Variants in PTCRA observed in about 807,000 individuals in gnomAD.
The protein encoded by PTCRA is pre T cell antigen receptor alpha, also known as pre T-cell antigen receptor alpha.
A neutral mutation model predicts 13.4 loss-of-function variants in PTCRA; 9 were observed. The observed-to-expected ratio is 0.67, with a 90% CI of 0.41 to 1.18. The LOEUF is 1.18. PTCRA is among the 50% of genes most tolerant of loss of function. The pLI is 0.01. For missense variants in PTCRA, 353 were observed against 359.8 expected (o/e 0.98, Z 0.15); for synonymous variants, 153 against 161.9 (o/e 0.94, Z 0.42).
Position 42,923,204 on chromosome 6 carries a change from C to A in PTCRA, c.236C>A (p.Ser79Tyr). The change falls in exon 2 of 4, where the codon TCC (serine) becomes TAC (tyrosine). Residue 79 changes from serine (S) to tyrosine (Y), a missense_variant. Ser to Tyr is a moderately radical substitution (Grantham distance 144). Transcript: ENST00000304672. The part of the protein sequence containing the change: ...SALDAFTYGP[S>Y]PATDGTWTNL... ...CTGGATGCCTTCACCTATGGCCCTT[C>A]CCCAGCAACGGATGGCACCTGGACC... 6.2e-7 allele frequency: 1 copy of A among 1,614,264 alleles called. No individual in the cohort carries two copies. The highest frequency in any genetic ancestry group is 8.5e-7 in the Non-Finnish European group (1 of 1,180,050).
chr6:42,922,739 CAA>C (rs575063807), intron 1 of PTCRA, among the ~76,000 whole-genome samples: 15 of 85,498 alleles, frequency 1.8e-4, no homozygotes, highest in Non-Finnish European at 1.7e-4. Flanking sequence ...AATTCCATCT[CAA>C]AAAAAAAAAA....
At chr6:42,919,000 A>C (rs1004770964) in intron 1 of PTCRA, among the ~76,000 whole-genome samples, 1 of 150,284 alleles carries the variant, frequency 6.7e-6, no homozygotes, top group Non-Finnish European at 1.5e-5. Context: ...CATGTTAGCC[A>C]GGATGGTCTC....
At position 42,924,228 on chromosome 6, in the gene PTCRA, G is replaced by A. The variant is rs1281089581; in HGVS notation, c.380-1G>A. Reference sequence around the variant, plus strand: ...CTCATTCGCTTCTCCCTGGACAACAGGAGAGGCTTCTACAGCCAGGACCTG... The same window carrying A: ...CTCATTCGCTTCTCCCTGGACAACAAGAGAGGCTTCTACAGCCAGGACCTG... On this transcript the variant is annotated splice_acceptor_variant, in intron 2 of 3. Coordinates refer to ENST00000304672, the MANE Select transcript of PTCRA (RefSeq NM_138296.3). LOFTEE classifies it high-confidence loss of function. The A allele has an allele frequency of 1.2e-6, 2 of 1,608,964 alleles. No homozygotes were observed. The highest frequency in any genetic ancestry group is 1.1e-5 in the South Asian group (1 of 90,794).
At chr6:42,924,154 G>C in intron 2 of PTCRA, 75 bp from the exon 3 acceptor site, 1 of 1,335,338 alleles carries the variant, frequency 7.5e-7, no homozygotes. Context: ...CCAGGGCCTG[G>C]GCATAGCACT....
Position 42,925,532 on chromosome 6 carries a change from A to G in PTCRA, c.696A>G (p.Pro232=). 6.3e-7 allele frequency: 1 copy of G among 1,586,896 alleles called. No individual in the cohort carries two copies. Among genetic ancestry groups the G allele is most frequent in the Non-Finnish European group, 8.6e-7 (1 of 1,165,520 alleles). The change falls in exon 4 of 4, where the codon CCA becomes CCG. Residue 232 remains proline (P), a synonymous_variant. Coordinates refer to ENST00000304672, the MANE Select transcript of PTCRA (RefSeq NM_138296.3). This position sits in a 1 kb window ranked among gnomAD's most constrained non-coding sequence, Gnocchi z 4.4. The part of the protein sequence containing the change: ...DTPPGRKPGS[P]VWGEGSYLSS... The stretch of plus-strand genomic sequence containing the variant: ...CTCCGGGTCGGAAGCCCGGGAGCCC[A>G]GTATGGGGGGAAGGGTCTTACCTCA...
Position 42,925,081 on chromosome 6 carries a change from AG to A in PTCRA, c.425-178del. On this transcript the variant is annotated intron_variant, in intron 3 of 3. Transcript: ENST00000304672. This position sits in a 1 kb window ranked among gnomAD's most constrained non-coding sequence, Gnocchi z 4.4. Reference sequence around the variant, plus strand: ...ATTGTTGGGGAATAAAATAAAATGAAGGCCAGGAAGGTATGTATTATTACCA... The same window carrying A: ...ATTGTTGGGGAATAAAATAAAATGAAGCCAGGAAGGTATGTATTATTACCA... The A allele has an allele frequency of 1.3e-6, 1 of 773,764 alleles. No individual in the cohort carries two copies. The highest frequency in any genetic ancestry group is 2.0e-6 in the Non-Finnish European group (1 of 502,580). The allele number at this position is 773,764 out of a possible 1,614,324, so 47.9% of individuals were successfully genotyped here.
At chr6:42,920,811 CTTT>C (rs544790680) in intron 1 of PTCRA, among the ~76,000 whole-genome samples, 3 of 122,798 alleles carry the variant, frequency 2.4e-5, no homozygotes, top group Non-Finnish European at 3.5e-5. Flanking sequence ...CTAAACAAAG[CTTT>C]TTTTTTTTTT....
At chr6:42,922,303 G>A (rs1190871988) in intron 1 of PTCRA, 3 of 698,470 alleles carry the variant, frequency 4.3e-6, no homozygotes, top group Non-Finnish European at 7.8e-6. Context: ...TCTTTCCCAT[G>A]GAACTGAGTT....
intron 1 of PTCRA, among the ~76,000 whole-genome samples, chr6:42,920,096 G>A (rs1216408254): frequency 6.6e-6 from 1 of 151,712 alleles, no homozygotes; most frequent in Admixed American, 6.6e-5. Flanking sequence ...CGAGGCAGGC[G>A]GATCACGAGG....
In PTCRA at chr6:42,916,107, G is replaced by T; in HGVS notation, c.38G>T (p.Gly13Val). The stretch of plus-strand genomic sequence containing the variant: ...TGGCTGCTACTTCTCCTGGCCCTTG[G>T]GTGTCCAGCCCTACCCACAGGTGAG... The part of the protein sequence containing the change: ...GTWLLLLLAL[G>V]CPALPTGVGG... The change falls in exon 1 of 4, where the codon GGG becomes GTG. Residue 13 changes from glycine (G) to valine (V), a missense_variant. Coordinates refer to ENST00000304672, the MANE Select transcript of PTCRA (RefSeq NM_138296.3). The T allele has an allele frequency of 6.2e-7, 1 of 1,614,016 alleles. No individual in the cohort carries two copies. The highest frequency in any genetic ancestry group is 8.5e-7 in the Non-Finnish European group (1 of 1,179,930).
chr6:42,921,753 G>T (rs1343796074), intron 1 of PTCRA, among the ~76,000 whole-genome samples: 1 of 137,008 alleles, frequency 7.3e-6, no homozygotes, highest in Non-Finnish European at 1.6e-5. Flanking sequence ...AAAAAAAAAG[G>T]CTGGGTGTGG....
At chr6:42,922,624 C>A (rs1435609839) in intron 1 of PTCRA, among the ~76,000 whole-genome samples, 1 of 151,704 alleles carries the variant, frequency 6.6e-6, no homozygotes, top group African/African-American at 2.4e-5. Flanking sequence ...CCTGTAGTCC[C>A]AGCTACTCAG....
At chr6:42,924,911 C>T (rs975984939) in intron 3 of PTCRA, among the ~76,000 whole-genome samples, 4 of 151,488 alleles carry the variant, frequency 2.6e-5, no homozygotes, top group African/African-American at 9.7e-5. Flanking sequence ...GTGGAGGTTG[C>T]AGTGAGATGA....
chr6:42,923,226 G>C lies in PTCRA; in HGVS notation c.258G>C (p.Trp86Cys), dbSNP rs770947767. ...YGPSPATDGT[W>C]TNLAHLSLPS... ...CTTCCCCAGCAACGGATGGCACCTG[G>C]ACCAACTTGGCCCATCTCTCCCTGC... The change falls in exon 2 of 4, where the codon TGG (tryptophan) becomes TGC (cysteine). Residue 86 changes from tryptophan (W) to cysteine (C), a missense_variant. Transcript: ENST00000304672. 6.2e-7 allele frequency: 1 copy of C among 1,614,210 alleles called. No homozygotes were observed. The highest frequency in any genetic ancestry group is 8.5e-7 in the Non-Finnish European group (1 of 1,180,044).
chr6:42,916,923 C>T (rs942537122), intron 1 of PTCRA, among the ~76,000 whole-genome samples: 3 of 152,042 alleles, frequency 2.0e-5, no homozygotes, highest in African/African-American at 7.2e-5. Flanking sequence ...AGGAAGTAAC[C>T]AGGGTAAGCA....
intron 1 of PTCRA, among the ~76,000 whole-genome samples, chr6:42,921,707 T>C (rs925090749): frequency 4.3e-4 from 57 of 132,506 alleles, no homozygotes; most frequent in South Asian, 2.8e-4. Context: ...TGAGCCACCG[T>C]GCCCGGCCAA....
intron 1 of PTCRA, among the ~76,000 whole-genome samples, chr6:42,918,506 G>T (rs911979840): frequency 4.6e-5 from 7 of 152,004 alleles, no homozygotes; most frequent in Non-Finnish European, 1.0e-4. Context: ...AGTGAACAGA[G>T]ATCCTGCCAC....
At chr6:42,922,930 T>C (rs1767255829) in intron 1 of PTCRA, 97 bp from the exon 2 acceptor site, 2 of 1,148,830 alleles carry the variant, frequency 1.7e-6, no homozygotes, top group East Asian at 2.4e-5. Flanking sequence ...GATGGATGGA[T>C]GGAAAGACAG....
At chr6:42,924,137 C>A in intron 2 of PTCRA, 92 bp from the exon 3 acceptor site, 2 of 1,155,474 alleles carry the variant, frequency 1.7e-6, no homozygotes, top group Non-Finnish European at 2.5e-6. Context: ...TCGACACCCA[C>A]CCTGTGCCAG....
Sources: gnomAD v4.1 joint callset for allele counts (sites outside exome capture counted in the v4.1 genomes callset) on GRCh38, gnomAD v4.1.1 for gene constraint, Gnocchi (gnomAD v3.1) non-coding constraint, MANE v1.5 for transcripts, NCBI Gene and HGNC (gene_info 2026-07-23, HGNC 2026-07-21) for gene names.